The following ASIC2 variants were observed in gnomAD, a reference collection of about 807,000 sequenced individuals.
ASIC2 encodes the protein acid-sensing ion channel 2.
In ASIC2, 25 loss-of-function variants were observed where a neutral mutation model predicts 57.3. The observed-to-expected ratio is 0.44, with a 90% CI of 0.32 to 0.61. The LOEUF (loss-of-function observed/expected upper bound fraction) is 0.61. Ranked by LOEUF, ASIC2 falls within the 20% of genes least tolerant of loss-of-function variation. ASIC2 has a pLI of 0.06. For missense variants in ASIC2, 641 were observed against 738.1 expected (o/e 0.87, Z 1.52); for synonymous variants, 319 against 307.5 (o/e 1.04, Z -0.39).
intron 1 of ASIC2, among the ~76,000 whole-genome samples, chr17:34,073,943 C>T (rs1217468119): frequency 6.6e-6 from 1 of 152,186 alleles, no homozygotes; most frequent in Non-Finnish European, 1.5e-5. Context: ...GCGTAAGGCT[C>T]TAAATGTCTC....
At chr17:33,843,119 C>T (rs1033533215) in intron 1 of ASIC2, among the ~76,000 whole-genome samples, 3 of 152,222 alleles carry the variant, frequency 2.0e-5, no homozygotes, top group African/African-American at 4.8e-5. Flanking sequence ...CATCATTGCA[C>T]GTGCCATTTG....
intron 1 of ASIC2, among the ~76,000 whole-genome samples, chr17:33,822,447 A>G (rs549474680): frequency 1.3e-5 from 2 of 152,272 alleles, no homozygotes; most frequent in African/African-American, 4.8e-5. Context: ...GAAACCTATG[A>G]ATTCCCCATA....
At chr17:33,826,287 G>T (rs1386615299) in intron 1 of ASIC2, among the ~76,000 whole-genome samples, 2 of 152,194 alleles carry the variant, frequency 1.3e-5, no homozygotes, top group Admixed American at 6.5e-5. Flanking sequence ...TCTTAGAACT[G>T]CCCTGTGCAT....
chr17:33,855,638 A>G (rs563827660), intron 1 of ASIC2, among the ~76,000 whole-genome samples: 2 of 152,148 alleles, frequency 1.3e-5, no homozygotes, highest in Admixed American at 1.3e-4. Context: ...GATGCTGATG[A>G]TGGGGATGAT....
chr17:33,681,487 G>T (rs1413013692), intron 1 of ASIC2, among the ~76,000 whole-genome samples: 1 of 108,374 alleles, frequency 9.2e-6, no homozygotes, highest in Non-Finnish European at 1.7e-5. Flanking sequence ...CCAGTTTAGG[G>T]TGACCCTAAT....
chr17:33,400,810 C>A (rs1910257351), intron 1 of ASIC2, among the ~76,000 whole-genome samples: 1 of 152,080 alleles, frequency 6.6e-6, no homozygotes, highest in Non-Finnish European at 1.5e-5. Flanking sequence ...GCCCCCTATC[C>A]CTGCCACCCC....
At chr17:33,671,189 C>G (rs1907627646) in intron 1 of ASIC2, among the ~76,000 whole-genome samples, 1 of 152,200 alleles carries the variant, frequency 6.6e-6, no homozygotes. Context: ...ACATCCCAAG[C>G]CTGCCTTGAC....
chr17:33,359,283 G>T lies in ASIC2; in HGVS notation c.556-247216C>A, dbSNP rs1908507523. ...ATTTGGTTCTAAGGTTGAAATGTAG[G>T]TAAGGTGCAAGAGGTTTCTAGGTAG... On this transcript the variant is annotated intron_variant, in intron 1 of 9. Coordinates refer to the ASIC2 transcript ENST00000359872. 2.0e-5 allele frequency among the ~76,000 whole-genome samples: 3 copies of T among 152,226 alleles called. No individual in the cohort carries two copies. The South Asian group carries it at 6.2e-4, about 32-fold the overall frequency.
intron 7 of ASIC2, among the ~76,000 whole-genome samples, chr17:33,018,894 A>G (rs2091821879): frequency 6.6e-6 from 1 of 152,170 alleles, no homozygotes; most frequent in Non-Finnish European, 1.5e-5. Context: ...TCTTGGCCTG[A>G]GAACTCTCTG....
intron 1 of ASIC2, among the ~76,000 whole-genome samples, chr17:33,727,778 G>T (rs1033072135): frequency 5.9e-5 from 9 of 152,200 alleles, no homozygotes; most frequent in African/African-American, 1.7e-4. Context: ...CGAGTGTCAG[G>T]TATTTTTTTA....
At chr17:33,375,524 A>T (rs1909244284) in intron 1 of ASIC2, among the ~76,000 whole-genome samples, 1 of 152,204 alleles carries the variant, frequency 6.6e-6, no homozygotes, top group South Asian at 2.1e-4. Context: ...CAGTGAGCAG[A>T]TACGTGCCAG....
intron 3 of ASIC2, among the ~76,000 whole-genome samples, chr17:33,055,080 G>A (rs905035396): frequency 6.6e-6 from 1 of 152,122 alleles, no homozygotes; most frequent in Non-Finnish European, 1.5e-5. Flanking sequence ...CCCTTTCCCA[G>A]CACTCCAGGA....
intron 1 of ASIC2, among the ~76,000 whole-genome samples, chr17:33,333,133 C>T (rs1446686854): frequency 6.6e-6 from 1 of 152,148 alleles, no homozygotes; most frequent in Non-Finnish European, 1.5e-5. Flanking sequence ...TGGAGACTGG[C>T]CATCCTTCTT....
At chr17:33,881,489 C>T (rs1914699206) in intron 1 of ASIC2, among the ~76,000 whole-genome samples, 1 of 152,170 alleles carries the variant, frequency 6.6e-6, no homozygotes, top group Non-Finnish European at 1.5e-5. Flanking sequence ...AGAGCCAAAT[C>T]ATGAGTGAAC....
At chr17:33,601,721 A>G (rs1905119051) in intron 1 of ASIC2, among the ~76,000 whole-genome samples, 1 of 152,216 alleles carries the variant, frequency 6.6e-6, no homozygotes, top group South Asian at 2.1e-4. Context: ...GGAAAGCTGC[A>G]AGACAAGACT....
At chr17:33,766,665 C>G (rs974479850) in intron 1 of ASIC2, among the ~76,000 whole-genome samples, 33 of 152,160 alleles carry the variant, frequency 2.2e-4, no homozygotes, top group Non-Finnish European at 4.7e-4. Flanking sequence ...GTTTAGCTCT[C>G]ACTTTGACTG....
chr17:33,775,914 C>A (rs1480457939), intron 1 of ASIC2, among the ~76,000 whole-genome samples: 1 of 152,074 alleles, frequency 6.6e-6, no homozygotes, highest in African/African-American at 2.4e-5. Context: ...GGGTGGATCA[C>A]CTGAGGTCAG....
chr17:33,178,953 G>C (rs1245664066), intron 1 of ASIC2, among the ~76,000 whole-genome samples: 1 of 152,232 alleles, frequency 6.6e-6, no homozygotes, highest in Non-Finnish European at 1.5e-5. Context: ...GAACTCATCA[G>C]AGGGAGAGCT....
intron 1 of ASIC2, among the ~76,000 whole-genome samples, chr17:33,581,969 A>G (rs1487556760): frequency 6.6e-6 from 1 of 152,152 alleles, no homozygotes; most frequent in East Asian, 1.9e-4. Flanking sequence ...GTCAGCACGA[A>G]TTGGCCTCAG....
Sources: gnomAD v4.1 joint callset for allele counts (sites outside exome capture counted in the v4.1 genomes callset) on GRCh38, gnomAD v4.1.1 for gene constraint, MANE v1.5 for transcripts, NCBI Gene and HGNC (gene_info 2026-07-23, HGNC 2026-07-21) for gene names.